TRAPPC10: variants seen among roughly 807,000 people sequenced by gnomAD.
The protein encoded by TRAPPC10 is TRAPP 130 kDa subunit.
A neutral mutation model predicts 125.5 loss-of-function variants in TRAPPC10; 23 were observed. The ratio of observed to expected loss-of-function variants is 0.18; its 90% CI spans 0.13 to 0.26. TRAPPC10 has a LOEUF of 0.26. Ranked by LOEUF, TRAPPC10 falls within the 10% of genes least tolerant of loss-of-function variation. TRAPPC10 has a pLI of 1.00. For missense variants in TRAPPC10, 1,123 were observed against 1,308.4 expected, an observed-to-expected ratio of 0.86 and a Z score of 2.19; for synonymous variants, 509 against 518.0, an observed-to-expected ratio of 0.98 and a Z score of 0.24.
intron 7 of TRAPPC10, among the ~76,000 whole-genome samples, chr21:44,066,132 T>C (rs1049042936): frequency 2.6e-5 from 4 of 152,206 alleles, no homozygotes; most frequent in Non-Finnish European, 1.5e-5. Context: ...GATCCCACTG[T>C]CCCACTTTCG....
intron 4 of TRAPPC10, among the ~76,000 whole-genome samples, chr21:44,055,075 A>C (rs2035478542): frequency 6.6e-6 from 1 of 152,210 alleles, no homozygotes; most frequent in Admixed American, 6.5e-5. Context: ...TGAAGGAGGC[A>C]GGGAACTGAG....
chr21:44,078,852 G>A (rs140382620), intron 11 of TRAPPC10, among the ~76,000 whole-genome samples: 3 of 152,224 alleles, frequency 2.0e-5, no homozygotes, highest in South Asian at 4.2e-4. Context: ...AGGCTGAGGC[G>A]GGAGGATCAC....
chr21:44,091,376 G>A (rs1448532481), intron 18 of TRAPPC10, among the ~76,000 whole-genome samples: 4 of 152,186 alleles, frequency 2.6e-5, no homozygotes, highest in Non-Finnish European at 5.9e-5. Flanking sequence ...AGGCTGGTCA[G>A]AAACTATATT....
chr21:44,068,776 T>C (rs557848729), intron 7 of TRAPPC10, among the ~76,000 whole-genome samples: 27 of 152,132 alleles, frequency 1.8e-4, no homozygotes, highest in African/African-American at 5.5e-4. Context: ...AATTTTTGTA[T>C]TTTTTGGCAG....
At chr21:44,086,761 C>G in intron 15 of TRAPPC10, 41 bp from the exon 16 acceptor site, 1 of 1,605,640 alleles carries the variant, frequency 6.2e-7, no homozygotes, top group Non-Finnish European at 8.5e-7. Context: ...TGCTGTCTTC[C>G]GGTTGGCAGC....
In TRAPPC10 at chr21:44,082,690, AG is replaced by A; in HGVS notation, c.1724-97del. 1 of 1,373,904 alleles carries A rather than the reference AG, an allele frequency of 7.3e-7. No individual in the cohort carries two copies. Among genetic ancestry groups the A allele is most frequent in the Non-Finnish European group, 1.0e-6 (1 of 991,172 alleles). 85.1% of individuals were successfully genotyped at this position (1,373,904 alleles called of 1,614,324 possible). A position where few individuals can be genotyped will look rare whatever the true frequency, so the allele number is the denominator to read the frequency against. ...TGTGCCCATCACTGCTGCTTGCTTC[AG>A]TCTGCTCTCGGTGATCTTACTGTGT... On this transcript the variant is annotated intron_variant, in intron 13 of 22. Coordinates refer to ENST00000291574, the MANE Select transcript of TRAPPC10 (RefSeq NM_003274.5). The surrounding 1 kb of genome is among the most constrained non-coding windows in gnomAD (Gnocchi z 4.4).
intron 2 of TRAPPC10, among the ~76,000 whole-genome samples, chr21:44,034,106 G>A (rs1335906049): frequency 6.6e-6 from 1 of 152,196 alleles, no homozygotes; most frequent in Non-Finnish European, 1.5e-5. Context: ...AGAGAAACAG[G>A]TGGAGGAATT....
At chr21:44,075,830 A>G (rs1336578488) in intron 9 of TRAPPC10, among the ~76,000 whole-genome samples, 1 of 152,168 alleles carries the variant, frequency 6.6e-6, no homozygotes, top group Non-Finnish European at 1.5e-5. Context: ...TGGGCGGATC[A>G]CCTGAGGTCA....
intron 6 of TRAPPC10, chr21:44,062,937 A>G (rs2036165942): frequency 7.9e-7 from 1 of 1,272,238 alleles, no homozygotes; most frequent in Non-Finnish European, 1.0e-6. Context: ...TTAAGATCAT[A>G]TTTGAGTCTT....
chr21:44,040,405 G>T (rs2034328019), intron 3 of TRAPPC10, among the ~76,000 whole-genome samples: 1 of 151,762 alleles, frequency 6.6e-6, no homozygotes, highest in Non-Finnish European at 1.5e-5. Context: ...TGCAGTGGTG[G>T]GTTCTTGGGT....
intron 19 of TRAPPC10, among the ~76,000 whole-genome samples, chr21:44,093,546 T>G (rs2038727034): frequency 6.6e-6 from 1 of 151,932 alleles, no homozygotes; most frequent in South Asian, 2.1e-4. Context: ...TTGCCTGAGC[T>G]CAGGAATTCA....
At chr21:44,034,579 A>G (rs1409693140) in intron 2 of TRAPPC10, among the ~76,000 whole-genome samples, 2 of 152,166 alleles carry the variant, frequency 1.3e-5, no homozygotes, top group Admixed American at 6.5e-5. Flanking sequence ...GGAAAAGACT[A>G]CGTTTTTCAG....
Position 44,086,786 on chromosome 21 carries a change from A to G in TRAPPC10, c.2381-16A>G. The G allele has an allele frequency of 6.2e-7, 1 of 1,613,144 alleles. No individual in the cohort carries two copies. The highest frequency in any genetic ancestry group is 1.3e-5 in the African/African-American group (1 of 75,000). On this transcript the variant is annotated splice_polypyrimidine_tract_variant and intron_variant, in intron 15 of 22. Coordinates refer to ENST00000291574, the MANE Select transcript of TRAPPC10 (RefSeq NM_003274.5). ...CGGTTGGCAGCGGTGCTGAGCCACG[A>G]TCTCTTTTCCTTTAGATAGCCTTCT... is the stretch of plus-strand genomic sequence containing the variant.
At chr21:44,031,093 C>T (rs867404865) in intron 1 of TRAPPC10, among the ~76,000 whole-genome samples, 1 of 152,170 alleles carries the variant, frequency 6.6e-6, no homozygotes, top group East Asian at 1.9e-4. Context: ...GCCCACTCAC[C>T]GTGCCATCTG....
chr21:44,027,878 C>A (rs552495371), intron 1 of TRAPPC10, among the ~76,000 whole-genome samples: 1 of 152,146 alleles, frequency 6.6e-6, no homozygotes. Context: ...GCCCCTTCCC[C>A]CACGTGAGGG....
At position 44,081,815 on chromosome 21, in the gene TRAPPC10, G is replaced by T. The variant is rs559361037; in HGVS notation, c.1724-973G>T. ...GATCGCTTGAGCCCAGGAGAACTGG[G>T]CTGTAGTGAGCCAAGATGGTGCCAC... On this transcript the variant is annotated intron_variant, in intron 13 of 22. Transcript: ENST00000291574. Among the ~76,000 whole-genome samples, 3 of 152,272 alleles carry T rather than the reference G, an allele frequency of 2.0e-5. No homozygotes were observed. In the East Asian group the frequency reaches 5.8e-4, roughly 29 times the overall value.
intron 4 of TRAPPC10, among the ~76,000 whole-genome samples, chr21:44,055,114 G>GTT (rs1263421174): frequency 3.9e-5 from 6 of 152,072 alleles, no homozygotes; most frequent in Non-Finnish European, 1.5e-5. Context: ...TTTTACAGAG[G>GTT]ACTCAGAGCT....
At chr21:44,024,448 T>C (rs1295047213) in intron 1 of TRAPPC10, among the ~76,000 whole-genome samples, 2 of 152,222 alleles carry the variant, frequency 1.3e-5, no homozygotes, top group Non-Finnish European at 2.9e-5. Flanking sequence ...GATTGCTCAC[T>C]TGCTTTCAGT....
chr21:44,042,431 A>G (rs1214458281), intron 3 of TRAPPC10, among the ~76,000 whole-genome samples: 1 of 152,206 alleles, frequency 6.6e-6, no homozygotes, highest in Non-Finnish European at 1.5e-5. Flanking sequence ...AAAAAAAAAG[A>G]TTAAAAAAAT....
Sources: allele counts gnomAD v4.1 joint callset (sites outside exome capture counted in the v4.1 genomes callset), GRCh38; gene constraint gnomAD v4.1.1; non-coding constraint Gnocchi (gnomAD v3.1); transcripts MANE v1.5; gene names NCBI Gene and HGNC (gene_info 2026-07-23, HGNC 2026-07-21).